The following LARP1B variants were observed in gnomAD, a reference collection of about 807,000 sequenced individuals.
The protein encoded by LARP1B is la-related protein 1B.
In LARP1B, 76 loss-of-function variants were observed where a neutral mutation model predicts 114.2. The observed-to-expected ratio is 0.67, with a 90% CI of 0.55 to 0.81. The LOEUF is 0.81. Ranked by LOEUF, LARP1B falls within the 30% of genes least tolerant of loss-of-function variation. The probability of loss-of-function intolerance (pLI) is 0.00; values close to 1 mark genes in which losing one functional copy is unlikely to be tolerated. For missense variants in LARP1B, 1,014 were observed against 1,075.8 expected, an observed-to-expected ratio of 0.94 and a Z score of 0.80; for synonymous variants, 345 against 348.0, an observed-to-expected ratio of 0.99 and a Z score of 0.10.
At chr4:128,108,935 A>C in intron 9 of LARP1B, 1 of 552,800 alleles carries the variant, frequency 1.8e-6, no homozygotes, top group Non-Finnish European at 2.3e-6. Flanking sequence ...TTTAATATAC[A>C]CTCAGATGCA....
At chr4:128,145,402 C>G (rs146754979) in intron 11 of LARP1B, among the ~76,000 whole-genome samples, 5 of 152,242 alleles carry the variant, frequency 3.3e-5, no homozygotes, top group African/African-American at 9.6e-5. Flanking sequence ...TGTATGCTCA[C>G]CATCCCCCAG....
chr4:128,173,233 A>AT (rs1561489022), intron 12 of LARP1B, among the ~76,000 whole-genome samples: 1 of 152,118 alleles, frequency 6.6e-6, no homozygotes, highest in Non-Finnish European at 1.5e-5. Flanking sequence ...CCACGGGCCA[A>AT]TGTGATAACG....
chr4:128,101,840 C>A (rs188640437), intron 8 of LARP1B, among the ~76,000 whole-genome samples: 4 of 152,254 alleles, frequency 2.6e-5, no homozygotes, highest in Admixed American at 2.0e-4. Context: ...GCCAACTCAG[C>A]TGCCGTTTTT....
At chr4:128,198,233 T>C (rs919611683) in intron 15 of LARP1B, among the ~76,000 whole-genome samples, 6 of 152,154 alleles carry the variant, frequency 3.9e-5, no homozygotes, top group Admixed American at 2.0e-4. Flanking sequence ...TTTCTTCTCA[T>C]TTTTAAAAAA....
At chr4:128,132,951 ATT>A in intron 11 of LARP1B, among the ~76,000 whole-genome samples, 1 of 152,018 alleles carries the variant, frequency 6.6e-6, no homozygotes, top group African/African-American at 2.4e-5. Context: ...ATCATCAAGC[ATT>A]AGATTCTCAT....
chr4:128,104,754 T>G (rs899378401), intron 8 of LARP1B, among the ~76,000 whole-genome samples: 2 of 152,182 alleles, frequency 1.3e-5, no homozygotes, highest in South Asian at 4.1e-4. Context: ...CAACAGTTAA[T>G]TTTTCTATGC....
chr4:128,210,911 A>G lies in LARP1B; in HGVS notation c.*858A>G, dbSNP rs541009126. ...TTGCACTGTTTTGAATGCATCTGCT[A>G]TTTATACATCTGCAAGTGGGTATGT... On this transcript the variant is annotated 3_prime_UTR_variant, in exon 20 of 20. Transcript: ENST00000326639. The G allele has an allele frequency of 1.3e-4, 124 of 971,658 alleles. 1 individual carries two copies. Among genetic ancestry groups the G allele is most frequent in the Admixed American group, 2.5e-4 (4 of 16,246 alleles). The allele number at this position is 971,658 out of a possible 1,614,324, so 60.2% of individuals were successfully genotyped here. A position where few individuals can be genotyped will look rare whatever the true frequency, so the allele number is the denominator to read the frequency against.
intron 2 of LARP1B, 27 bp from the exon 3 acceptor site, chr4:128,074,907 A>G: frequency 6.7e-7 from 1 of 1,490,552 alleles, no homozygotes; most frequent in Non-Finnish European, 9.2e-7. Context: ...GTAATTTCAG[A>G]CCTAACACTT....
chr4:128,133,005 A>G (rs1324978580), intron 11 of LARP1B, among the ~76,000 whole-genome samples: 1 of 151,962 alleles, frequency 6.6e-6, no homozygotes, highest in East Asian at 1.9e-4. Flanking sequence ...GCAGTTCACA[A>G]TAGGGTTCAT....
intron 7 of LARP1B, among the ~76,000 whole-genome samples, chr4:128,095,863 T>A (rs1460494702): frequency 1.3e-5 from 2 of 152,216 alleles, no homozygotes; most frequent in African/African-American, 4.8e-5. Flanking sequence ...GTGGGATTAT[T>A]AAACTGTAGG....
At chr4:128,202,444 G>A (rs1756275796) in intron 17 of LARP1B, among the ~76,000 whole-genome samples, 1 of 152,118 alleles carries the variant, frequency 6.6e-6, no homozygotes, top group African/African-American at 2.4e-5. Flanking sequence ...GAACTGTTTT[G>A]CAAAACATAT....
At chr4:128,113,546 T>C (rs1185380167) in intron 9 of LARP1B, among the ~76,000 whole-genome samples, 1 of 151,800 alleles carries the variant, frequency 6.6e-6, no homozygotes, top group Non-Finnish European at 1.5e-5. Flanking sequence ...TTTCACCATC[T>C]TGGCCAGGCT....
chr4:128,149,092 T>C (rs996141631), intron 11 of LARP1B, among the ~76,000 whole-genome samples: 2 of 152,248 alleles, frequency 1.3e-5, no homozygotes, highest in African/African-American at 4.8e-5. Context: ...GGTTTTTCTT[T>C]CTGTGCATTA....
chr4:128,067,588 A>T (rs1374965882), intron 1 of LARP1B, among the ~76,000 whole-genome samples: 4 of 151,956 alleles, frequency 2.6e-5, no homozygotes, highest in Non-Finnish European at 5.9e-5. Context: ...CAGATGAGGC[A>T]CTCTTCAGCC....
chr4:128,219,539 G>A (rs867725213), intron 6 of LARP1B, among the ~76,000 whole-genome samples: 4 of 98,508 alleles, frequency 4.1e-5, no homozygotes, highest in Admixed American at 2.4e-4. Flanking sequence ...GTAAACTATC[G>A]CAAGAACAAA....
intron 12 of LARP1B, among the ~76,000 whole-genome samples, chr4:128,175,515 A>C (rs943606477): frequency 1.3e-5 from 2 of 152,090 alleles, no homozygotes; most frequent in African/African-American, 4.8e-5. Context: ...CTTACATAAA[A>C]TTTTTCTGTG....
intron 1 of LARP1B, among the ~76,000 whole-genome samples, chr4:128,064,124 T>C (rs1460791105): frequency 6.6e-6 from 1 of 151,720 alleles, no homozygotes; most frequent in Non-Finnish European, 1.5e-5. Flanking sequence ...ATACAAAAAT[T>C]AGCCGGATAT....
chr4:128,144,739 C>A (rs904356178), intron 11 of LARP1B, among the ~76,000 whole-genome samples: 4 of 152,020 alleles, frequency 2.6e-5, no homozygotes, highest in African/African-American at 9.7e-5. Flanking sequence ...TATTTTTAGG[C>A]CCGTCCAAGT....
intron 18 of LARP1B, among the ~76,000 whole-genome samples, 190 bp from the exon 19 acceptor site, chr4:128,207,066 T>C (rs1221697125): frequency 6.6e-6 from 1 of 152,232 alleles, no homozygotes; most frequent in East Asian, 1.9e-4. Flanking sequence ...CACTTAATGC[T>C]TGTTACATAA....
Sources: allele counts gnomAD v4.1 joint callset (sites outside exome capture counted in the v4.1 genomes callset), GRCh38; gene constraint gnomAD v4.1.1; transcripts MANE v1.5; gene names NCBI Gene and HGNC (gene_info 2026-07-23, HGNC 2026-07-21).